Variants in GLRB observed in about 807,000 individuals in gnomAD.
GLRB encodes glycine receptor beta, also known as glycine receptor subunit beta.
In GLRB, 33 loss-of-function variants were observed where a neutral mutation model predicts 54.2. The ratio of observed to expected loss-of-function variants is 0.61; its 90% CI spans 0.46 to 0.81. The LOEUF (loss-of-function observed/expected upper bound fraction) is 0.81. GLRB is among the 40% of genes least tolerant of loss of function. The pLI, the probability that GLRB is intolerant of heterozygous loss-of-function variation, is 0.00. For missense variants in GLRB, 572 were observed against 584.6 expected, an observed-to-expected ratio of 0.98 and a Z score of 0.22; for synonymous variants, 209 against 208.2, an observed-to-expected ratio of 1.00 and a Z score of -0.03.
intron 2 of GLRB, among the ~76,000 whole-genome samples, chr4:157,111,794 A>G (rs981694429): frequency 5.3e-5 from 8 of 151,894 alleles, no homozygotes; most frequent in African/African-American, 1.7e-4. Context: ...ACTACTTACT[A>G]TACTATCCAC....
intron 2 of GLRB, among the ~76,000 whole-genome samples, chr4:157,108,500 G>A (rs916422113): frequency 2.0e-5 from 3 of 152,040 alleles, no homozygotes; most frequent in African/African-American, 7.2e-5. Context: ...CTGCAGAGAT[G>A]GTGGAAATAG....
intron 4 of GLRB, among the ~76,000 whole-genome samples, chr4:157,128,579 G>T (rs552205657): frequency 6.6e-6 from 1 of 151,882 alleles, no homozygotes; most frequent in South Asian, 2.1e-4. Context: ...GCCTCAGCAG[G>T]TCTCTATTCT....
intron 9 of GLRB, among the ~76,000 whole-genome samples, chr4:157,162,399 G>T (rs1333438230): frequency 6.6e-6 from 1 of 152,148 alleles, no homozygotes; most frequent in African/African-American, 2.4e-5. Flanking sequence ...GCATTTCTTT[G>T]GAGGAGAAGA....
intron 2 of GLRB, among the ~76,000 whole-genome samples, chr4:157,084,146 T>G (rs140096122): frequency 1.2e-3 from 186 of 152,324 alleles, no homozygotes; most frequent in Middle Eastern, 3.4e-3. Flanking sequence ...GTTTGCCATT[T>G]CTATTTTTGC....
At chr4:157,155,137 T>G (rs1351968003) in intron 9 of GLRB, among the ~76,000 whole-genome samples, 1 of 152,208 alleles carries the variant, frequency 6.6e-6, no homozygotes, top group Non-Finnish European at 1.5e-5. Flanking sequence ...ATTTCCTTGT[T>G]TTTTGTTTTT....
intron 2 of GLRB, among the ~76,000 whole-genome samples, chr4:157,111,688 C>G (rs936616914): frequency 6.6e-6 from 1 of 151,942 alleles, no homozygotes; most frequent in African/African-American, 2.4e-5. Context: ...GAGTAAGAGT[C>G]CAGGGCTTCC....
Position 157,136,494 on chromosome 4 carries a change from G to A in GLRB, c.323G>A (p.Arg108Lys). ...TMDYRVNIFL[R>K]QKWNDPRLKL... ...GACTATAGAGTTAACATCTTCCTGA[G>A]ACAAAAATGGAATGACCCCAGGCTG... The change falls in exon 5 of 10, where the codon AGA becomes AAA. Residue 108 changes from arginine (R) to lysine (K), a missense_variant. Transcript: ENST00000264428. 6.2e-7 allele frequency: 1 copy of A among 1,609,254 alleles called. No homozygotes were observed. Among genetic ancestry groups the A allele is most frequent in the Non-Finnish European group, 8.5e-7 (1 of 1,175,732 alleles).
intron 2 of GLRB, 118 bp downstream of exon 2, chr4:157,078,264 A>G (rs1399346674): frequency 2.0e-6 from 3 of 1,523,842 alleles, no homozygotes; most frequent in Admixed American, 1.9e-5. Flanking sequence ...ATGTATATCC[A>G]TCTGTTACAG....
chr4:157,099,408 C>T (rs1157844474), intron 2 of GLRB, among the ~76,000 whole-genome samples: 2 of 151,742 alleles, frequency 1.3e-5, no homozygotes, highest in Admixed American at 1.3e-4. Context: ...ACAATCTCAG[C>T]TCACTGCAAC....
chr4:157,102,692 G>A (rs948381635), intron 2 of GLRB, among the ~76,000 whole-genome samples: 2 of 152,082 alleles, frequency 1.3e-5, no homozygotes, highest in African/African-American at 4.8e-5. Flanking sequence ...AGGGAAAATC[G>A]AGACAGGAAT....
intron 9 of GLRB, among the ~76,000 whole-genome samples, chr4:157,166,538 C>T (rs1328771686): frequency 6.6e-6 from 1 of 151,978 alleles, no homozygotes; most frequent in Non-Finnish European, 1.5e-5. Flanking sequence ...TTAAGAAGCC[C>T]TGAGTACTTC....
intron 9 of GLRB, among the ~76,000 whole-genome samples, chr4:157,163,057 C>T (rs1263527424): frequency 6.6e-5 from 10 of 152,282 alleles, no homozygotes; most frequent in East Asian, 3.9e-4. Context: ...CCCCCAGCCT[C>T]GCTTCCACCT....
intron 2 of GLRB, among the ~76,000 whole-genome samples, chr4:157,086,894 C>T (rs1431616225): frequency 6.6e-6 from 1 of 152,056 alleles, no homozygotes. Flanking sequence ...ATTAAACTCC[C>T]TGTTCTTGAT....
At chr4:157,134,315 G>T (rs1177262008) in intron 4 of GLRB, among the ~76,000 whole-genome samples, 1 of 151,860 alleles carries the variant, frequency 6.6e-6, no homozygotes, top group African/African-American at 2.4e-5. Context: ...CTAGTACTTT[G>T]TGAGACCAAG....
rs548604111 is a variant in GLRB, at chr4:157,170,614, C to T, written c.1380C>T (p.Pro460=). The T allele has an allele frequency of 1.6e-4, 254 of 1,612,556 alleles. 6 individuals carry two copies. The South Asian group carries it at 2.6e-3, about 17-fold the overall frequency. Residue 460 remains proline (P), a synonymous_variant, in exon 10 of 10, where the codon CCC becomes CCT. Coordinates refer to ENST00000264428, the MANE Select transcript of GLRB (RefSeq NM_000824.5). ...KSQAKNNKKP[P]PAKPVIPTAA... ...AGGCTAAGAACAACAAGAAGCCTCC[C>T]CCTGCGAAACCTGTTATTCCAACAG...
chr4:157,089,384 G>A (rs1191753821), intron 2 of GLRB, among the ~76,000 whole-genome samples: 12 of 152,104 alleles, frequency 7.9e-5, no homozygotes, highest in African/African-American at 2.7e-4. Context: ...CAGCCTGGGC[G>A]ACAGAGGGAG....
intron 9 of GLRB, among the ~76,000 whole-genome samples, chr4:157,165,069 G>T (rs1737658862): frequency 6.6e-6 from 1 of 151,914 alleles, no homozygotes; most frequent in Non-Finnish European, 1.5e-5. Context: ...TTAATCTTTA[G>T]AAATAAATGT....
chr4:157,110,399 T>TTTC (rs1480455762), intron 2 of GLRB, among the ~76,000 whole-genome samples: 5 of 152,050 alleles, frequency 3.3e-5, no homozygotes, highest in African/African-American at 1.2e-4. Context: ...TTGCTCATTC[T>TTTC]TTCTTCTGCT....
chr4:157,076,162 C>A lies in GLRB; in HGVS notation c.-165C>A, dbSNP rs1051486159. On this transcript the variant is annotated 5_prime_UTR_variant, in exon 1 of 10. Coordinates refer to ENST00000264428, the MANE Select transcript of GLRB (RefSeq NM_000824.5). The stretch of plus-strand genomic sequence containing the variant: ...CCGCGGCCCGAGCAGGCGCGTCAGC[C>A]GAGCTCGGCGGTGGCGCGGGCGGCT... The A allele has an allele frequency of 5.4e-5, 8 of 149,470 alleles. No homozygotes were observed. Among genetic ancestry groups the A allele is most frequent in the South Asian group, 2.1e-4 (1 of 4,812 alleles). 9.3% of individuals were successfully genotyped at this position (149,470 alleles called of 1,614,324 possible).
Sources: allele counts gnomAD v4.1 joint callset (sites outside exome capture counted in the v4.1 genomes callset), GRCh38; gene constraint gnomAD v4.1.1; transcripts MANE v1.5; gene names NCBI Gene and HGNC (gene_info 2026-07-23, HGNC 2026-07-21).